MIR2052HG: variants seen among roughly 807,000 people sequenced by gnomAD.
MIR2052HG encodes MIR2052 host gene.
At chr8:74,611,665 A>G (rs1586888258) in intron 1 of MIR2052HG, among the ~76,000 whole-genome samples, 1 of 152,184 alleles carries the variant, frequency 6.6e-6, no homozygotes, top group East Asian at 1.9e-4. Context: ...TTTACTTTGT[A>G]AGGACACTAC....
chr8:74,639,495 G>A (rs922744940), intron 2 of MIR2052HG, among the ~76,000 whole-genome samples: 2 of 152,040 alleles, frequency 1.3e-5, no homozygotes, highest in Admixed American at 6.6e-5. Flanking sequence ...TATGAGGATC[G>A]CACAACTGGT....
chr8:74,726,433 G>A (rs1019674242), intron 4 of MIR2052HG, among the ~76,000 whole-genome samples: 11 of 152,162 alleles, frequency 7.2e-5, no homozygotes, highest in African/African-American at 1.9e-4. Flanking sequence ...CAAGCGATTG[G>A]TAAGAGTTCT....
intron 2 of MIR2052HG, among the ~76,000 whole-genome samples, chr8:74,629,497 A>G (rs1175397204): frequency 6.6e-6 from 1 of 152,108 alleles, no homozygotes; most frequent in Admixed American, 6.6e-5. Context: ...GAAGGTATGA[A>G]AAGAGGAAAC....
At chr8:74,608,566 T>G (rs1189172870) in intron 1 of MIR2052HG, among the ~76,000 whole-genome samples, 1 of 152,136 alleles carries the variant, frequency 6.6e-6, no homozygotes, top group African/African-American at 2.4e-5. Flanking sequence ...CACTAAATAT[T>G]TACCAAGATA....
rs945130406 is a variant in MIR2052HG, at chr8:74,619,331, A to G, written n.216+6391A>G. Among the ~76,000 whole-genome samples, 6 of 152,222 alleles carry G rather than the reference A, an allele frequency of 3.9e-5. No individual in the cohort carries two copies. The East Asian group carries it at 1.2e-3, about 29-fold the overall frequency. On this transcript the variant is annotated intron_variant and non_coding_transcript_variant, in intron 2 of 6. Coordinates refer to ENST00000523442, the Ensembl canonical transcript of MIR2052HG. ...GCCAAAGCAATCTACAGCAAAAAGAACAGAGCTGGAGGCATCACACTGTCA... is the reference window on the plus strand; with the variant it reads ...GCCAAAGCAATCTACAGCAAAAAGAGCAGAGCTGGAGGCATCACACTGTCA...
chr8:74,665,305 T>C (rs919047198), intron 2 of MIR2052HG, among the ~76,000 whole-genome samples: 2 of 152,230 alleles, frequency 1.3e-5, no homozygotes, highest in African/African-American at 2.4e-5. Context: ...CGCATCGATA[T>C]GCTTGGCCCT....
intron 2 of MIR2052HG, among the ~76,000 whole-genome samples, chr8:74,698,712 A>C (rs1009477045): frequency 6.6e-6 from 1 of 152,086 alleles, no homozygotes; most frequent in African/African-American, 2.4e-5. Context: ...GTTTTCACTC[A>C]TAAGTGAGAG....
Position 74,737,774 on chromosome 8 carries a change from A to G in MIR2052HG, n.372-14667A>G, listed in dbSNP as rs150319968. Among the ~76,000 whole-genome samples, 75 of 152,276 alleles carry G rather than the reference A, an allele frequency of 4.9e-4. No homozygotes were observed. The East Asian group carries it at 0.013, about 26-fold the overall frequency. On this transcript the variant is annotated intron_variant and non_coding_transcript_variant, in intron 4 of 6. Coordinates refer to ENST00000523442, the Ensembl canonical transcript of MIR2052HG. ...TTTGTTCACTGCCATAAACAATGAA[A>G]TCTTCAGACTTTTGTTTTTGTTTGT...
At chr8:74,602,825 C>CTTTT (rs1330945074) in intron 1 of MIR2052HG, among the ~76,000 whole-genome samples, 1 of 125,984 alleles carries the variant, frequency 7.9e-6, no homozygotes, top group African/African-American at 3.1e-5. Flanking sequence ...GTGTTTCTTT[C>CTTTT]TTTCTTTCTT....
chr8:74,685,270 A>C (rs1040036488), intron 2 of MIR2052HG, among the ~76,000 whole-genome samples: 1 of 152,076 alleles, frequency 6.6e-6, no homozygotes, highest in African/African-American at 2.4e-5. Flanking sequence ...AAAAAAGATG[A>C]TATCCTCCTA....
At chr8:74,604,035 T>C in intron 1 of MIR2052HG, 1 of 973,690 alleles carries the variant, frequency 1.0e-6, no homozygotes, top group Non-Finnish European at 1.7e-6. Flanking sequence ...TAGCAAAGCC[T>C]TTGAAGACGG....
chr8:74,612,741 C>A (rs1808217706), intron 1 of MIR2052HG: 3 of 364,514 alleles, frequency 8.2e-6, no homozygotes, highest in Admixed American at 3.6e-5. Flanking sequence ...GCTGTAAAAA[C>A]ATATTGCTTT....
At chr8:74,639,814 C>CT (rs35063266) in intron 2 of MIR2052HG, among the ~76,000 whole-genome samples, 13,949 of 149,694 alleles carry the variant, frequency 0.093, 970 homozygotes, top group African/African-American at 0.19. Flanking sequence ...ATTAAACATA[C>CT]TTTTTTTTTT....
chr8:74,647,048 C>G (rs1413897691), intron 2 of MIR2052HG, among the ~76,000 whole-genome samples: 1 of 152,170 alleles, frequency 6.6e-6, no homozygotes, highest in Non-Finnish European at 1.5e-5. Context: ...GGTGTCTTAT[C>G]AGTCTGTGTG....
chr8:74,638,698 G>A (rs1196168238), intron 2 of MIR2052HG, among the ~76,000 whole-genome samples: 3 of 152,106 alleles, frequency 2.0e-5, no homozygotes, highest in Non-Finnish European at 2.9e-5. Flanking sequence ...TGTCTCTGAG[G>A]GGAAGAAGAT....
intron 5 of MIR2052HG, chr8:74,752,589 A>ACTGT (rs1407337255): frequency 2.3e-6 from 1 of 441,432 alleles, no homozygotes; most frequent in African/African-American, 2.0e-5. Flanking sequence ...ATATTTATGT[A>ACTGT]CTGTGGTTAA....
At chr8:74,602,175 G>A (rs998653805) in intron 1 of MIR2052HG, among the ~76,000 whole-genome samples, 9 of 152,142 alleles carry the variant, frequency 5.9e-5, no homozygotes, top group African/African-American at 1.9e-4. Flanking sequence ...TAAAGAAGCT[G>A]GCCAAAACCT....
intron 4 of MIR2052HG, among the ~76,000 whole-genome samples, chr8:74,711,095 T>C (rs1317808959): frequency 6.6e-6 from 1 of 152,196 alleles, no homozygotes; most frequent in Non-Finnish European, 1.5e-5. Flanking sequence ...TTTTGTGAAC[T>C]ATGCATTGTT....
chr8:74,715,280 C>G (rs1484302435), intron 4 of MIR2052HG, among the ~76,000 whole-genome samples: 1 of 152,080 alleles, frequency 6.6e-6, no homozygotes, highest in Non-Finnish European at 1.5e-5. Flanking sequence ...TTTTGACTTG[C>G]AGGATTCATA....
Sources: gnomAD v4.1 joint callset for allele counts (sites outside exome capture counted in the v4.1 genomes callset) on GRCh38, gnomAD v4.1.1 for gene constraint, MANE v1.5 for transcripts, NCBI Gene and HGNC (gene_info 2026-07-23, HGNC 2026-07-21) for gene names.